Variants in PTPN14 observed in about 807,000 individuals in gnomAD.
PTPN14 encodes protein tyrosine phosphatase non-receptor type 14, also known as tyrosine-protein phosphatase non-receptor type 14.
In PTPN14, 53 loss-of-function variants were observed where a neutral mutation model predicts 126.8. The ratio of observed to expected loss-of-function variants is 0.42; its 90% CI spans 0.34 to 0.53. The LOEUF is 0.53. PTPN14 is among the 20% of genes least tolerant of loss of function. The pLI, the probability that PTPN14 is intolerant of heterozygous loss-of-function variation, is 0.08. For missense variants in PTPN14, 1,257 were observed against 1,552.9 expected, an observed-to-expected ratio of 0.81 and a Z score of 3.20; for synonymous variants, 630 against 599.3, an observed-to-expected ratio of 1.05 and a Z score of -0.75.
At chr1:214,412,678 T>A (rs746174030) in intron 4 of PTPN14, among the ~76,000 whole-genome samples, 3 of 152,154 alleles carry the variant, frequency 2.0e-5, no homozygotes, top group African/African-American at 2.4e-5. Context: ...CAAAAAAAAG[T>A]TATTTGAAAA....
rs1314030862 is a variant in PTPN14, at chr1:214,433,937, CACACACACACACACAAAAAAA to C, written c.344+17847_344+17867del. On this transcript the variant is annotated intron_variant, in intron 3 of 18. Transcript: ENST00000366956. The stretch of plus-strand genomic sequence containing the variant: ...GACATTATTTCCACACACACACACA[CACACACACACACACAAAAAAA>C]AAAAAAAAAAAAAACTCAAAAAATT... Among the ~76,000 whole-genome samples the C allele has an allele frequency of 5.5e-3, 95 of 17,370 alleles. 1 individual carries two copies. In the South Asian group the frequency reaches 0.13, roughly 24 times the overall value. 11.4% of individuals were successfully genotyped at this position (17,370 alleles called of 152,430 possible).
chr1:214,445,490 C>T (rs1262479448), intron 3 of PTPN14, among the ~76,000 whole-genome samples: 1 of 151,736 alleles, frequency 6.6e-6, no homozygotes, highest in Non-Finnish European at 1.5e-5. Context: ...TTAGAAGCTC[C>T]TGTGCACTGT....
intron 3 of PTPN14, among the ~76,000 whole-genome samples, chr1:214,423,723 G>A (rs945655854): frequency 2.0e-5 from 3 of 152,180 alleles, no homozygotes; most frequent in Non-Finnish European, 2.9e-5. Flanking sequence ...GCTCATGCCT[G>A]TAAACCCAGC....
intron 2 of PTPN14, among the ~76,000 whole-genome samples, chr1:214,460,912 T>G (rs984274469): frequency 3.3e-5 from 5 of 152,114 alleles, no homozygotes; most frequent in Non-Finnish European, 2.9e-5. Context: ...ACCTACAGAA[T>G]GTACAACACC....
chr1:214,376,521 C>T (rs893542121), intron 14 of PTPN14, 84 bp from the exon 15 acceptor site: 66 of 1,182,344 alleles, frequency 5.6e-5, no homozygotes, highest in East Asian at 1.9e-4. Flanking sequence ...AAATATTTAG[C>T]GATTGTGTTA....
At chr1:214,465,101 G>A in intron 1 of PTPN14, 144 bp from the exon 2 acceptor site, 1 of 392,246 alleles carries the variant, frequency 2.5e-6, no homozygotes, top group East Asian at 4.5e-5. Flanking sequence ...AAGTTCTGGA[G>A]TTCCTAAGTG....
intron 1 of PTPN14, among the ~76,000 whole-genome samples, chr1:214,489,795 A>G (rs1023886513): frequency 1.3e-5 from 2 of 152,184 alleles, no homozygotes; most frequent in Non-Finnish European, 2.9e-5. Context: ...GAAGTTAAGG[A>G]CTTATTCTAG....
chr1:214,376,800 C>T (rs1658352936), intron 14 of PTPN14, among the ~76,000 whole-genome samples: 1 of 152,136 alleles, frequency 6.6e-6, no homozygotes, highest in Non-Finnish European at 1.5e-5. Flanking sequence ...GATACTGGTC[C>T]ACAGTTCTAT....
intron 1 of PTPN14, chr1:214,483,089 C>T: frequency 1.2e-6 from 2 of 1,611,456 alleles, no homozygotes; most frequent in Non-Finnish European, 1.7e-6. Flanking sequence ...ATTTTCAAAA[C>T]ATTTGTCTAA....
chr1:214,464,675 C>T lies in PTPN14; in HGVS notation c.129G>A (p.Gly43=). 3 of 1,614,270 alleles carry T rather than the reference C, an allele frequency of 1.9e-6. No homozygotes were observed. Among genetic ancestry groups the T allele is most frequent in the Non-Finnish European group, 1.7e-6 (2 of 1,180,048 alleles). Residue 43 remains glycine, a synonymous_variant, in exon 2 of 19, where the codon GGG becomes GGA. Coordinates refer to ENST00000366956, the MANE Select transcript of PTPN14 (RefSeq NM_005401.5). The part of the protein sequence containing the change: ...IECTLSVEST[G]QECLEAVAQR... ...GGGCCACAGCCTCCAGGCATTCTTG[C>T]CCTGTGCTTTCCACCGACAGCGTGC...
chr1:214,532,731 G>A (rs1655585841), intron 1 of PTPN14: 11 of 785,456 alleles, frequency 1.4e-5, no homozygotes, highest in Non-Finnish European at 2.3e-5. Context: ...AGCATTACGG[G>A]CTCTGCAAGG....
At position 214,454,925 on chromosome 1, in the gene PTPN14, T is replaced by TCAAATTCAGTTCTCTAGCAGGA. The variant is rs558147019; in HGVS notation, c.175-2973_175-2952dup. Among the ~76,000 whole-genome samples, 624 of 152,236 alleles carry TCAAATTCAGTTCTCTAGCAGGA rather than the reference T, an allele frequency of 4.1e-3. 2 individuals are homozygous for TCAAATTCAGTTCTCTAGCAGGA. The highest frequency in any genetic ancestry group is 0.015 in the African/African-American group (610 of 41,524). Reference sequence around the variant, plus strand: ...CCAGAACATCCTAACTTTAGAACTGTCAAATTCAGTTCTCTAGCAGGAAGA... The same window carrying TCAAATTCAGTTCTCTAGCAGGA: ...CCAGAACATCCTAACTTTAGAACTGTCAAATTCAGTTCTCTAGCAGGACAAATTCAGTTCTCTAGCAGGAAGA... On this transcript the variant is annotated intron_variant, in intron 2 of 18. Transcript: ENST00000366956.
At chr1:214,382,153 G>T (rs566286503) in intron 13 of PTPN14, among the ~76,000 whole-genome samples, 3 of 152,140 alleles carry the variant, frequency 2.0e-5, no homozygotes, top group East Asian at 3.9e-4. Context: ...TGCCCACCTC[G>T]GCCTCCCAAA....
At chr1:214,359,737 T>C (rs1558068042) in intron 18 of PTPN14, among the ~76,000 whole-genome samples, 1 of 152,116 alleles carries the variant, frequency 6.6e-6, no homozygotes, top group East Asian at 1.9e-4. Context: ...CCCAGGCTGG[T>C]CTCAAACTCC....
At chr1:214,447,004 T>C (rs535616227) in intron 3 of PTPN14, among the ~76,000 whole-genome samples, 3 of 152,294 alleles carry the variant, frequency 2.0e-5, no homozygotes, top group South Asian at 4.1e-4. Context: ...TATGCAAATA[T>C]CTTACTCTGC....
chr1:214,430,088 T>C (rs976129004), intron 3 of PTPN14, among the ~76,000 whole-genome samples: 4 of 152,226 alleles, frequency 2.6e-5, no homozygotes, highest in Admixed American at 1.3e-4. Context: ...CAGGGCTAAC[T>C]GTGCTACGAT....
rs773842917 is a variant in PTPN14 at position 214,402,959 on chromosome 1, A to G, written c.511-6T>C. On this transcript the variant is annotated splice_polypyrimidine_tract_variant and splice_region_variant and intron_variant, in intron 5 of 18. Coordinates refer to ENST00000366956, the MANE Select transcript of PTPN14 (RefSeq NM_005401.5). The stretch of plus-strand genomic sequence containing the variant: ...GCCTCTTCCAGGGCCAAATCCTATA[A>G]GAATAGAAAGTGCTTAAGGTCACAT... 43 of 1,613,724 alleles carry G rather than the reference A, an allele frequency of 2.7e-5. No homozygotes were observed. The highest frequency in any genetic ancestry group is 3.3e-5 in the Non-Finnish European group (39 of 1,179,774).
intron 3 of PTPN14, among the ~76,000 whole-genome samples, chr1:214,445,632 A>G (rs1162926045): frequency 6.6e-6 from 1 of 151,960 alleles, no homozygotes; most frequent in Non-Finnish European, 1.5e-5. Flanking sequence ...GCCTAAATTC[A>G]CTCTTCAAAA....
chr1:214,395,747 C>A (rs2102555896), intron 8 of PTPN14, among the ~76,000 whole-genome samples: 1 of 152,206 alleles, frequency 6.6e-6, no homozygotes, highest in Admixed American at 6.5e-5. Flanking sequence ...GAACCAATTT[C>A]TAACCATCTT....
Sources: gnomAD v4.1 joint callset for allele counts (sites outside exome capture counted in the v4.1 genomes callset) on GRCh38, gnomAD v4.1.1 for gene constraint, MANE v1.5 for transcripts, NCBI Gene and HGNC (gene_info 2026-07-23, HGNC 2026-07-21) for gene names.